The following REG4 variants were observed in gnomAD, a reference collection of about 807,000 sequenced individuals.
REG4 encodes the protein regenerating family member 4.
REG4 carries 16 observed loss-of-function variants against 22.3 expected under a neutral mutation model. That is an observed-to-expected ratio of 0.72 (90% CI 0.49 to 1.09). The LOEUF (loss-of-function observed/expected upper bound fraction) is 1.09. Ranked by LOEUF, REG4 falls within the 50% of genes least tolerant of loss-of-function variation. The probability of loss-of-function intolerance (pLI) is 0.00; values close to 1 mark genes in which losing one functional copy is unlikely to be tolerated. For missense variants in REG4, 214 were observed against 193.9 expected, an observed-to-expected ratio of 1.10 and a Z score of -0.61; for synonymous variants, 71 against 69.2, an observed-to-expected ratio of 1.03 and a Z score of -0.13.
intron 1 of REG4, among the ~76,000 whole-genome samples, chr1:119,810,722 T>C (rs377099790): frequency 2.6e-5 from 4 of 152,194 alleles, no homozygotes; most frequent in East Asian, 3.9e-4. Context: ...TTTAGTGAAC[T>C]GATATTCATT....
intron 5 of REG4, among the ~76,000 whole-genome samples, chr1:119,796,098 T>C (rs1653933132): frequency 6.6e-6 from 1 of 152,322 alleles, no homozygotes; most frequent in African/African-American, 2.4e-5. Context: ...TTGCACGTGA[T>C]AAGCATGCCA....
chr1:119,799,047 G>A (rs1169667156), intron 4 of REG4, among the ~76,000 whole-genome samples: 1 of 152,166 alleles, frequency 6.6e-6, no homozygotes, highest in African/African-American at 2.4e-5. Flanking sequence ...ACATATTCGT[G>A]AAAGAGGTTG....
At chr1:119,797,334 C>G (rs1454250984) in intron 5 of REG4, among the ~76,000 whole-genome samples, 1 of 152,212 alleles carries the variant, frequency 6.6e-6, no homozygotes, top group East Asian at 1.9e-4. Flanking sequence ...CTGTGAAAAT[C>G]CCCTCTATGG....
intron 4 of REG4, 50 bp downstream of exon 4, chr1:119,799,675 T>A (rs368208050): frequency 6.5e-5 from 104 of 1,595,350 alleles, no homozygotes; most frequent in Non-Finnish European, 8.0e-5. Context: ...AAAAAGAGGA[T>A]GCCAGCCTGG....
Position 119,794,525 on chromosome 1 carries a change from T to C in REG4, c.*93A>G. On this transcript the variant is annotated 3_prime_UTR_variant, in exon 6 of 6. Transcript: ENST00000256585. Reference sequence around the variant, plus strand: ...CCCTTATCACTCTTAGTTTGCTAGGTTTCCCCTCTGAAATAATGAGCAGAT... The same window carrying C: ...CCCTTATCACTCTTAGTTTGCTAGGCTTCCCCTCTGAAATAATGAGCAGAT... The C allele has an allele frequency of 8.4e-7, 1 of 1,190,296 alleles. No individual in the cohort carries two copies. Among genetic ancestry groups the C allele is most frequent in the Non-Finnish European group, 1.3e-6 (1 of 794,614 alleles). 73.7% of individuals were successfully genotyped at this position (1,190,296 alleles called of 1,614,324 possible).
chr1:119,804,257 G>A (rs968521228), intron 2 of REG4, among the ~76,000 whole-genome samples: 1 of 152,174 alleles, frequency 6.6e-6, no homozygotes, highest in African/African-American at 2.4e-5. Context: ...ACTGTCGCTT[G>A]TTTGCCCCAC....
chr1:119,806,477 C>T (rs1654323020), intron 2 of REG4, among the ~76,000 whole-genome samples: 1 of 152,204 alleles, frequency 6.6e-6, no homozygotes, highest in Admixed American at 6.5e-5. Flanking sequence ...AGTAATGATG[C>T]TCAAGTTATT....
intron 2 of REG4, 110 bp from the exon 3 acceptor site, chr1:119,803,275 G>T: frequency 2.6e-6 from 3 of 1,167,004 alleles, no homozygotes; most frequent in Non-Finnish European, 3.5e-6. Context: ...GTCCCTTCAT[G>T]AAGGGTCCTG....
intron 1 of REG4, 66 bp downstream of exon 1, chr1:119,811,343 A>C (rs996551283): frequency 6.6e-6 from 1 of 152,220 alleles, no homozygotes; most frequent in Non-Finnish European, 1.5e-5. Flanking sequence ...TGGCCTGGCT[A>C]ATAGCTGACA....
At chr1:119,802,987 T>A (rs775142134) in intron 3 of REG4, 81 bp downstream of exon 3, 27 of 1,595,312 alleles carry the variant, frequency 1.7e-5, no homozygotes, top group Middle Eastern at 3.3e-4. Flanking sequence ...GGACACTTGA[T>A]CCTGAATCAA....
chr1:119,809,540 A>AC (rs1654433071), intron 1 of REG4, among the ~76,000 whole-genome samples: 3 of 152,248 alleles, frequency 2.0e-5, no homozygotes, highest in Admixed American at 1.3e-4. Context: ...AGTAGCCTAC[A>AC]GATATCTTTC....
At chr1:119,805,303 T>C (rs974741567) in intron 2 of REG4, among the ~76,000 whole-genome samples, 1 of 152,162 alleles carries the variant, frequency 6.6e-6, no homozygotes, top group African/African-American at 2.4e-5. Flanking sequence ...TGCCTTCCAA[T>C]GTAATACCAG....
At chr1:119,797,922 A>G (rs78107185) in intron 5 of REG4, among the ~76,000 whole-genome samples, 4,664 of 152,248 alleles carry the variant, frequency 0.031, 174 homozygotes, top group East Asian at 0.095. Context: ...GAAAAGTCTA[A>G]CTCATGAGCA....
At chr1:119,801,929 G>A (rs1309228483) in intron 3 of REG4, 1 of 152,140 alleles carries the variant, frequency 6.6e-6, no homozygotes, top group Non-Finnish European at 1.5e-5. Context: ...AAGTCCATGA[G>A]GTAAAAAGTA....
chr1:119,802,204 G>A, intron 3 of REG4: 1 of 390,346 alleles, frequency 2.6e-6, no homozygotes, highest in Non-Finnish European at 3.5e-6. Context: ...TGGGGTTGCT[G>A]TGTCAGTTAC....
rs750870106 is a variant in REG4 at position 119,794,679 on chromosome 1, A to G, written c.416T>C (p.Leu139Ser). 6.2e-7 allele frequency: 1 copy of G among 1,613,944 alleles called. No homozygotes were observed. Among genetic ancestry groups the G allele is most frequent in the Admixed American group, 1.7e-5 (1 of 60,028 alleles). The change falls in exon 6 of 6, where the codon TTA becomes TCA. Residue 139 changes from leucine to serine, a missense_variant. Transcript: ENST00000256585. ...GTTGCATTCGTTGCTGCTCCAAGTT[A>G]AAAAGTCTGTAAGAAAATAAACAGA... ...CAEMSSNNNF[L>S]TWSSNECNKR...
At chr1:119,808,986 T>G (rs1257022051) in intron 1 of REG4, 123 bp from the exon 2 acceptor site, 23 of 503,362 alleles carry the variant, frequency 4.6e-5, no homozygotes, top group Non-Finnish European at 7.0e-6. Context: ...GAATCTCAAG[T>G]TAGATGTACA....
At chr1:119,797,646 G>A (rs1254702578) in intron 5 of REG4, among the ~76,000 whole-genome samples, 1 of 152,166 alleles carries the variant, frequency 6.6e-6, no homozygotes, top group African/African-American at 2.4e-5. Context: ...TTGGCACTGA[G>A]TATTCTTTAA....
At chr1:119,795,358 C>T (rs1653905384) in intron 5 of REG4, among the ~76,000 whole-genome samples, 1 of 152,186 alleles carries the variant, frequency 6.6e-6, no homozygotes, top group African/African-American at 2.4e-5. Context: ...CTCAAGCCCA[C>T]AGCTGAGGCT....
Sources: allele counts gnomAD v4.1 joint callset (sites outside exome capture counted in the v4.1 genomes callset), GRCh38; gene constraint gnomAD v4.1.1; transcripts MANE v1.5; gene names NCBI Gene and HGNC (gene_info 2026-07-23, HGNC 2026-07-21).